AGAP1: variants seen among roughly 807,000 people sequenced by gnomAD.
AGAP1 encodes the protein ArfGAP with GTPase domain, ankyrin repeat and PH domain 1.
AGAP1 carries 29 observed loss-of-function variants against 105.3 expected under a neutral mutation model. The observed-to-expected ratio is 0.28, with a 90% CI of 0.21 to 0.38. The LOEUF is 0.38. Among genes scored for constraint, AGAP1 ranks in the 10% least tolerant of loss-of-function variants. The pLI, the probability that AGAP1 is intolerant of heterozygous loss-of-function variation, is 1.00. For synonymous variants in AGAP1, 509 were observed against 485.9 expected (o/e 1.05, Z -0.63); for missense variants, 998 against 1,165.1 (o/e 0.86, Z 2.09).
At position 235,770,133 on chromosome 2, in the gene AGAP1, C is replaced by CTTTTTTTTTTTTTTTTT. The variant is rs57008190; in HGVS notation, c.673+19657_673+19658insTTTTTTTTTTTTTTTTT. 1.6e-3 allele frequency among the ~76,000 whole-genome samples: 222 copies of CTTTTTTTTTTTTTTTTT among 136,630 alleles called. 5 individuals carry two copies. Among genetic ancestry groups the CTTTTTTTTTTTTTTTTT allele is most frequent in the East Asian group, 2.4e-3 (11 of 4,576 alleles). 89.6% of individuals were successfully genotyped at this position (136,630 alleles called of 152,430 possible). On this transcript the variant is annotated intron_variant, in intron 6 of 17. Coordinates refer to ENST00000304032, the MANE Select transcript of AGAP1 (RefSeq NM_001037131.3). ...CACACATTTTTTTCTTTCTTTGTTT[C>CTTTTTTTTTTTTTTTTT]TTTTTTTTTTTTGAGACGGAGTCTC...
chr2:235,780,564 C>T (rs1050375314), intron 6 of AGAP1, among the ~76,000 whole-genome samples: 1 of 152,108 alleles, frequency 6.6e-6, no homozygotes, highest in Non-Finnish European at 1.5e-5. Context: ...AAGTAATTTA[C>T]AGTGCTGTGG....
At chr2:235,666,400 A>C (rs577299746) in intron 1 of AGAP1, among the ~76,000 whole-genome samples, 1 of 152,228 alleles carries the variant, frequency 6.6e-6, no homozygotes, top group South Asian at 2.1e-4. Flanking sequence ...TTGGAGTGAC[A>C]TGTCGGGAGC....
intron 9 of AGAP1, among the ~76,000 whole-genome samples, chr2:235,852,312 T>TGTCTGC (rs1235719196): frequency 1.3e-5 from 2 of 152,170 alleles, no homozygotes; most frequent in Non-Finnish European, 2.9e-5. Context: ...TAATGCCTAT[T>TGTCTGC]GTCTGCGTCT....
intron 16 of AGAP1, among the ~76,000 whole-genome samples, chr2:236,074,573 A>G (rs752565345): frequency 5.3e-5 from 8 of 152,208 alleles, no homozygotes; most frequent in Non-Finnish European, 1.2e-4. Flanking sequence ...ACATCTACAT[A>G]CAGTAGGTAT....
intron 1 of AGAP1, among the ~76,000 whole-genome samples, chr2:235,629,892 A>G (rs931820333): frequency 2.0e-5 from 3 of 151,112 alleles, no homozygotes; most frequent in African/African-American, 7.3e-5. Flanking sequence ...AAGAAAGAAC[A>G]GAAATCACCA....
chr2:235,797,562 G>A (rs1010340252), intron 6 of AGAP1, among the ~76,000 whole-genome samples, 197 bp from the exon 7 acceptor site: 3 of 151,986 alleles, frequency 2.0e-5, no homozygotes, highest in East Asian at 1.9e-4. Context: ...CAGCTGATGC[G>A]GGGGTGGGGG....
intron 1 of AGAP1, among the ~76,000 whole-genome samples, chr2:235,503,296 G>A (rs76630788): frequency 7.9e-5 from 12 of 152,324 alleles, no homozygotes; most frequent in African/African-American, 2.6e-4. Flanking sequence ...CAGGGAGGGC[G>A]TTTCCGGAAG....
At chr2:236,072,817 C>T (rs868162560) in intron 16 of AGAP1, among the ~76,000 whole-genome samples, 1 of 152,108 alleles carries the variant, frequency 6.6e-6, no homozygotes, top group Admixed American at 6.5e-5. Flanking sequence ...ATACCACTGT[C>T]TGCTGTCCAG....
At chr2:236,103,062 A>T (rs1039241962) in intron 16 of AGAP1, among the ~76,000 whole-genome samples, 1 of 119,998 alleles carries the variant, frequency 8.3e-6, no homozygotes, top group Non-Finnish European at 1.6e-5. Flanking sequence ...GGCCCGACCC[A>T]TTAATGGCCT....
rs1192223712 is a variant in AGAP1 at position 236,044,903 on chromosome 2, G to T, written c.1891+4062G>T. On this transcript the variant is annotated intron_variant, in intron 15 of 17. Coordinates refer to ENST00000304032, the MANE Select transcript of AGAP1 (RefSeq NM_001037131.3). This position sits in a 1 kb window ranked among gnomAD's most constrained non-coding sequence, Gnocchi z 5.7. Reference sequence around the variant, plus strand: ...CAGGGGCGGGTTGAGATGGGGTCTCGCCCTATAGCCCAGGATGGAGTGCAG... The same window carrying T: ...CAGGGGCGGGTTGAGATGGGGTCTCTCCCTATAGCCCAGGATGGAGTGCAG... Among the ~76,000 whole-genome samples the T allele has an allele frequency of 6.6e-6, 1 of 152,000 alleles. No homozygotes were observed. The highest frequency in any genetic ancestry group is 1.5e-5 in the Non-Finnish European group (1 of 67,996).
At chr2:235,674,298 A>G (rs953164568) in intron 1 of AGAP1, among the ~76,000 whole-genome samples, 6 of 152,238 alleles carry the variant, frequency 3.9e-5, no homozygotes, top group Admixed American at 6.5e-5. Flanking sequence ...ACTGATACAC[A>G]TGTGTTAGGG....
rs1405870149 is a variant in AGAP1 at position 235,744,863 on chromosome 2, T to G, written c.538+24T>G. 6.2e-7 allele frequency: 1 copy of G among 1,613,668 alleles called. No homozygotes were observed. The highest frequency in any genetic ancestry group is 8.5e-7 in the Non-Finnish European group (1 of 1,179,712). ...GGGTGAGTGATGTTCGTGTGCAGATTGTTTTGAAAGGGTTCTAACAGTTAC... is the reference window on the plus strand; with the variant it reads ...GGGTGAGTGATGTTCGTGTGCAGATGGTTTTGAAAGGGTTCTAACAGTTAC... On this transcript the variant is annotated intron_variant, in intron 5 of 17. Coordinates refer to ENST00000304032, the MANE Select transcript of AGAP1 (RefSeq NM_001037131.3). This position sits in a 1 kb window ranked among gnomAD's most constrained non-coding sequence, Gnocchi z 5.2.
chr2:235,526,421 TC>T (rs1475633473), intron 1 of AGAP1, among the ~76,000 whole-genome samples: 1 of 152,238 alleles, frequency 6.6e-6, no homozygotes, highest in Non-Finnish European at 1.5e-5. Context: ...TTGGCCTGTC[TC>T]TTCCGATGAC....
chr2:235,930,671 CTA>C lies in AGAP1; in HGVS notation c.1325-92_1325-91del. The C allele has an allele frequency of 7.5e-7, 1 of 1,333,040 alleles. No individual in the cohort carries two copies. Among genetic ancestry groups the C allele is most frequent in the Non-Finnish European group, 1.0e-6 (1 of 974,376 alleles). 82.6% of individuals were successfully genotyped at this position (1,333,040 alleles called of 1,614,324 possible). A position where few individuals can be genotyped will look rare whatever the true frequency, so the allele number is the denominator to read the frequency against. On this transcript the variant is annotated intron_variant, in intron 11 of 17. Coordinates refer to ENST00000304032, the MANE Select transcript of AGAP1 (RefSeq NM_001037131.3). The surrounding 1 kb of genome is among the most constrained non-coding windows in gnomAD (Gnocchi z 7.9). ...GGGCTGCTCTCGGTGGTAAGGTGCA[CTA>C]TGTGCCAGCGTGTGGGTCCCATAGA...
chr2:235,779,269 T>C (rs1453396162), intron 6 of AGAP1, among the ~76,000 whole-genome samples: 2 of 152,194 alleles, frequency 1.3e-5, no homozygotes, highest in African/African-American at 4.8e-5. Flanking sequence ...AAATACAGCC[T>C]CGCCAAGATA....
intron 1 of AGAP1, among the ~76,000 whole-genome samples, chr2:235,654,723 A>C (rs181715297): frequency 1.7e-3 from 258 of 152,212 alleles, no homozygotes; most frequent in African/African-American, 5.6e-3. Flanking sequence ...GATTTCTAAG[A>C]TCCTTTTTTT....
At chr2:235,779,628 G>C (rs1011704960) in intron 6 of AGAP1, among the ~76,000 whole-genome samples, 1 of 152,200 alleles carries the variant, frequency 6.6e-6, no homozygotes, top group African/African-American at 2.4e-5. Flanking sequence ...GCCCTGGCTA[G>C]AGGTGCCCTT....
chr2:235,565,346 C>A (rs531791845), intron 1 of AGAP1, among the ~76,000 whole-genome samples: 1 of 152,358 alleles, frequency 6.6e-6, no homozygotes, highest in African/African-American at 2.4e-5. Context: ...GCATTTTAAA[C>A]CAAGGTGAAG....
chr2:235,899,919 A>T (rs1416183559), intron 10 of AGAP1, among the ~76,000 whole-genome samples: 1 of 152,264 alleles, frequency 6.6e-6, no homozygotes, highest in Non-Finnish European at 1.5e-5. Flanking sequence ...CAGTCAAGAC[A>T]GATACAGTCA....
Sources: allele counts gnomAD v4.1 joint callset (sites outside exome capture counted in the v4.1 genomes callset), GRCh38; gene constraint gnomAD v4.1.1; non-coding constraint Gnocchi (gnomAD v3.1); transcripts MANE v1.5; gene names NCBI Gene and HGNC (gene_info 2026-07-23, HGNC 2026-07-21).